ZMAT4: variants seen among roughly 807,000 people sequenced by gnomAD.
ZMAT4 encodes zinc finger matrin-type protein 4.
In ZMAT4, 17 loss-of-function variants were observed where a neutral mutation model predicts 28.7. The ratio of observed to expected loss-of-function variants is 0.59; its 90% CI spans 0.41 to 0.89. The LOEUF is 0.89. Ranked by LOEUF, ZMAT4 falls within the 40% of genes least tolerant of loss-of-function variation. ZMAT4 has a pLI of 0.00. For missense variants in ZMAT4, 240 were observed against 283.8 expected, an observed-to-expected ratio of 0.85 and a Z score of 1.11; for synonymous variants, 117 against 109.2, an observed-to-expected ratio of 1.07 and a Z score of -0.44.
At chr8:40,622,585 G>C (rs1287308503) in intron 5 of ZMAT4, among the ~76,000 whole-genome samples, 1 of 152,176 alleles carries the variant, frequency 6.6e-6, no homozygotes, top group African/African-American at 2.4e-5. Context: ...GAATACCTGA[G>C]GCTAGGTAGT....
chr8:40,635,429 G>A (rs1477207925), intron 5 of ZMAT4, among the ~76,000 whole-genome samples: 1 of 152,036 alleles, frequency 6.6e-6, no homozygotes, highest in Non-Finnish European at 1.5e-5. Flanking sequence ...ACCTCAAAGT[G>A]CTGTCACTTG....
chr8:40,781,162 C>T (rs1046886735), intron 2 of ZMAT4, among the ~76,000 whole-genome samples: 14 of 151,636 alleles, frequency 9.2e-5, no homozygotes, highest in Non-Finnish European at 1.8e-4. Flanking sequence ...AATTAAGAAA[C>T]GAATTCAGCC....
At chr8:40,725,601 G>A (rs918535784) in intron 3 of ZMAT4, among the ~76,000 whole-genome samples, 2 of 152,044 alleles carry the variant, frequency 1.3e-5, no homozygotes, top group Admixed American at 6.6e-5. Context: ...CAAGTGATTC[G>A]CTGGGATGCT....
At chr8:40,535,514 C>A (rs966081774) in intron 6 of ZMAT4, among the ~76,000 whole-genome samples, 2 of 151,902 alleles carry the variant, frequency 1.3e-5, no homozygotes, top group Admixed American at 6.6e-5. Flanking sequence ...ACTAAAAATA[C>A]AAAAATTAGC....
chr8:40,542,860 AAGCCTC>A (rs1803085201), intron 6 of ZMAT4, among the ~76,000 whole-genome samples: 1 of 152,240 alleles, frequency 6.6e-6, no homozygotes, highest in South Asian at 2.1e-4. Flanking sequence ...TCATCTCCAC[AAGCCTC>A]AATTTCTTCA....
chr8:40,631,632 T>C (rs539355637), intron 5 of ZMAT4, among the ~76,000 whole-genome samples: 1 of 152,334 alleles, frequency 6.6e-6, no homozygotes, highest in African/African-American at 2.4e-5. Flanking sequence ...ATGGGGGAGA[T>C]AGAAGTTAAA....
chr8:40,771,577 C>A (rs954510002), intron 2 of ZMAT4, among the ~76,000 whole-genome samples: 1 of 152,134 alleles, frequency 6.6e-6, no homozygotes, highest in Non-Finnish European at 1.5e-5. Context: ...TTTCATCAAC[C>A]CTTGTTAATG....
intron 3 of ZMAT4, among the ~76,000 whole-genome samples, chr8:40,714,823 G>A (rs1810773390): frequency 1.3e-5 from 2 of 152,080 alleles, no homozygotes; most frequent in Admixed American, 1.3e-4. Flanking sequence ...GGCCAAGGCT[G>A]GCGGATCATG....
intron 6 of ZMAT4, among the ~76,000 whole-genome samples, chr8:40,543,702 C>A (rs1803112702): frequency 6.6e-6 from 1 of 152,004 alleles, no homozygotes; most frequent in Admixed American, 6.5e-5. Flanking sequence ...GAAAGGAAGC[C>A]CTTTATAAAT....
intron 1 of ZMAT4, among the ~76,000 whole-genome samples, chr8:40,890,980 A>G (rs1021887032): frequency 6.6e-6 from 1 of 151,742 alleles, no homozygotes; most frequent in African/African-American, 2.4e-5. Context: ...CCCTACACCC[A>G]GATGCACTCT....
intron 3 of ZMAT4, among the ~76,000 whole-genome samples, chr8:40,760,689 T>G (rs1812891136): frequency 6.8e-6 from 1 of 146,806 alleles, no homozygotes; most frequent in South Asian, 2.2e-4. Flanking sequence ...GATCTCTCTC[T>G]CTCTCTCTCT....
intron 5 of ZMAT4, among the ~76,000 whole-genome samples, chr8:40,598,359 C>G (rs1287585286): frequency 6.6e-6 from 1 of 152,132 alleles, no homozygotes; most frequent in Non-Finnish European, 1.5e-5. Flanking sequence ...GCTCTCGCTT[C>G]CCTCACCCCC....
chr8:40,569,398 C>T (rs574768193), intron 6 of ZMAT4, among the ~76,000 whole-genome samples: 16 of 152,158 alleles, frequency 1.1e-4, no homozygotes, highest in African/African-American at 1.2e-4. Flanking sequence ...TAAAAATCAA[C>T]GTCAGCTATA....
intron 1 of ZMAT4, among the ~76,000 whole-genome samples, chr8:40,868,525 C>T (rs965594900): frequency 6.6e-6 from 1 of 152,176 alleles, no homozygotes; most frequent in African/African-American, 2.4e-5. Flanking sequence ...CAAGAAAGTC[C>T]ACCCACCACA....
At chr8:40,649,787 A>T (rs201002026) in intron 5 of ZMAT4, among the ~76,000 whole-genome samples, 269 of 146,554 alleles carry the variant, frequency 1.8e-3, no homozygotes, top group Middle Eastern at 3.4e-3. Context: ...AAAACCGCTC[A>T]ACTACATGGA....
chr8:40,850,268 G>A (rs80319150), intron 1 of ZMAT4, among the ~76,000 whole-genome samples: 4,122 of 152,052 alleles, frequency 0.027, 189 homozygotes, highest in African/African-American at 0.094. Flanking sequence ...TGGCCTGTGA[G>A]CCCCACCCAA....
chr8:40,636,111 A>G (rs1000814042), intron 5 of ZMAT4, among the ~76,000 whole-genome samples: 3 of 152,352 alleles, frequency 2.0e-5, no homozygotes, highest in East Asian at 3.9e-4. Context: ...AGAGCCTGCA[A>G]TGATTCATAC....
intron 2 of ZMAT4, among the ~76,000 whole-genome samples, chr8:40,820,622 G>A (rs1328936777): frequency 2.6e-5 from 3 of 115,588 alleles, no homozygotes; most frequent in Non-Finnish European, 6.0e-5. Flanking sequence ...GTGTATGTGT[G>A]TGTATGTGTG....
chr8:40,625,567 A>G (rs917695220), intron 5 of ZMAT4, among the ~76,000 whole-genome samples: 7 of 152,072 alleles, frequency 4.6e-5, no homozygotes, highest in Non-Finnish European at 1.0e-4. Context: ...GAGGGAAAGA[A>G]AGGAACTGAT....
Sources: allele counts gnomAD v4.1 joint callset (sites outside exome capture counted in the v4.1 genomes callset), GRCh38; gene constraint gnomAD v4.1.1; transcripts MANE v1.5; gene names NCBI Gene and HGNC (gene_info 2026-07-23, HGNC 2026-07-21).